The following ZNF804B variants were observed in gnomAD, a reference collection of about 807,000 sequenced individuals.
ZNF804B encodes zinc finger 804B.
A neutral mutation model predicts 101.4 loss-of-function variants in ZNF804B; 80 were observed. The ratio of observed to expected loss-of-function variants is 0.79; its 90% CI spans 0.66 to 0.95. The LOEUF (loss-of-function observed/expected upper bound fraction) is 0.95, where lower values mean the gene tolerates loss of function less well. ZNF804B is among the 40% of genes least tolerant of loss of function. ZNF804B has a pLI of 0.00. For missense variants in ZNF804B, 1,673 were observed against 1,561.9 expected (o/e 1.07, Z -1.20); for synonymous variants, 622 against 558.8 (o/e 1.11, Z -1.59).
At chr7:89,288,721 A>G (rs535292872) in intron 2 of ZNF804B, among the ~76,000 whole-genome samples, 153 of 152,340 alleles carry the variant, frequency 1.0e-3, no homozygotes, top group African/African-American at 3.3e-3. Flanking sequence ...GATTTTCGGC[A>G]GCCCACATGT....
At chr7:89,073,360 G>A (rs1166564924) in intron 1 of ZNF804B, among the ~76,000 whole-genome samples, 3 of 152,054 alleles carry the variant, frequency 2.0e-5, no homozygotes, top group African/African-American at 4.8e-5. Flanking sequence ...TGCACTGAGT[G>A]AACAAAAATA....
intron 1 of ZNF804B, among the ~76,000 whole-genome samples, chr7:89,197,011 C>G (rs1437506019): frequency 3.5e-5 from 5 of 143,234 alleles, no homozygotes; most frequent in African/African-American, 4.9e-5. Context: ...TGCTTTTACA[C>G]TGTTGGTGGG....
intron 1 of ZNF804B, among the ~76,000 whole-genome samples, chr7:88,789,768 G>A (rs752768065): frequency 1.3e-5 from 2 of 152,068 alleles, no homozygotes; most frequent in Admixed American, 6.6e-5. Context: ...GTGGAAGTTG[G>A]GGCATTCTAC....
chr7:88,884,376 A>G (rs1264043682), intron 1 of ZNF804B, among the ~76,000 whole-genome samples: 1 of 151,738 alleles, frequency 6.6e-6, no homozygotes, highest in Non-Finnish European at 1.5e-5. Flanking sequence ...TATATGTCTG[A>G]CTTACATTGG....
chr7:88,942,992 C>T (rs17165643), intron 1 of ZNF804B, among the ~76,000 whole-genome samples: 15,523 of 151,804 alleles, frequency 0.1, 869 homozygotes, highest in South Asian at 0.17. Flanking sequence ...CAGTTGCATG[C>T]TTAAATGTAT....
intron 1 of ZNF804B, among the ~76,000 whole-genome samples, chr7:88,869,859 C>T: frequency 6.6e-6 from 1 of 152,156 alleles, no homozygotes. Context: ...GCAGGTCCAG[C>T]CAAGGCTTCT....
At position 88,953,492 on chromosome 7, in the gene ZNF804B, T is replaced by G. The variant is rs377100011; in HGVS notation, c.108+193408T>G. On this transcript the variant is annotated intron_variant, in intron 1 of 3. Transcript: ENST00000333190. Reference sequence around the variant, plus strand: ...TTATTTATGTATTTATTGTCTGTCTTGATTTTCTGTCACGTTCCCCCAACC... The same window carrying G: ...TTATTTATGTATTTATTGTCTGTCTGGATTTTCTGTCACGTTCCCCCAACC... Among the ~76,000 whole-genome samples, 10 of 151,930 alleles carry G rather than the reference T, an allele frequency of 6.6e-5. No individual in the cohort carries two copies. In the East Asian group the frequency reaches 1.2e-3, roughly 18 times the overall value.
At chr7:89,046,574 AT>A (rs1328834656) in intron 1 of ZNF804B, among the ~76,000 whole-genome samples, 1 of 152,168 alleles carries the variant, frequency 6.6e-6, no homozygotes, top group Non-Finnish European at 1.5e-5. Context: ...ATGGTTAGTT[AT>A]CTAACCAAAT....
intron 1 of ZNF804B, among the ~76,000 whole-genome samples, chr7:88,991,654 C>T (rs1241424595): frequency 6.6e-6 from 1 of 152,166 alleles, no homozygotes; most frequent in Admixed American, 6.6e-5. Flanking sequence ...TCTGCTGGAG[C>T]AGTCATAGAG....
chr7:89,267,292 T>C (rs1789812110), intron 2 of ZNF804B, among the ~76,000 whole-genome samples: 1 of 152,172 alleles, frequency 6.6e-6, no homozygotes, highest in Non-Finnish European at 1.5e-5. Context: ...AATTTCTCTG[T>C]TTTGTATATT....
At chr7:89,298,578 CTGT>C (rs1481961831) in intron 2 of ZNF804B, among the ~76,000 whole-genome samples, 2 of 151,648 alleles carry the variant, frequency 1.3e-5, no homozygotes, top group East Asian at 3.9e-4. Flanking sequence ...TTGCATGTAT[CTGT>C]TGTTCATACC....
At chr7:89,166,720 A>G (rs1479515322) in intron 1 of ZNF804B, among the ~76,000 whole-genome samples, 2 of 152,216 alleles carry the variant, frequency 1.3e-5, no homozygotes, top group Non-Finnish European at 2.9e-5. Context: ...GACGAAAAGT[A>G]TGTGAAAAGT....
At chr7:89,085,318 A>G (rs1481752409) in intron 1 of ZNF804B, among the ~76,000 whole-genome samples, 1 of 151,964 alleles carries the variant, frequency 6.6e-6, no homozygotes, top group Non-Finnish European at 1.5e-5. Context: ...AACTCCAAAT[A>G]AGAAATCTAA....
chr7:89,205,769 G>T (rs903425505), intron 1 of ZNF804B, among the ~76,000 whole-genome samples: 1 of 152,158 alleles, frequency 6.6e-6, no homozygotes, highest in Non-Finnish European at 1.5e-5. Context: ...GCTGTTGGTG[G>T]ATCTACTATT....
At chr7:89,275,225 A>G (rs2115850127) in intron 2 of ZNF804B, among the ~76,000 whole-genome samples, 1 of 152,026 alleles carries the variant, frequency 6.6e-6, no homozygotes, top group Non-Finnish European at 1.5e-5. Context: ...CTTTCTCATT[A>G]CACATGAAAT....
intron 1 of ZNF804B, among the ~76,000 whole-genome samples, chr7:88,983,213 G>A (rs1793716728): frequency 2.0e-5 from 3 of 152,098 alleles, no homozygotes; most frequent in African/African-American, 7.2e-5. Context: ...GGTCCAGCAT[G>A]AGACCTATTG....
intron 1 of ZNF804B, among the ~76,000 whole-genome samples, chr7:89,108,936 A>G (rs1790174227): frequency 6.6e-6 from 1 of 152,174 alleles, no homozygotes; most frequent in Non-Finnish European, 1.5e-5. Flanking sequence ...TGTTGCATTT[A>G]AACTGCATAT....
chr7:88,760,841 A>G (rs1789883704), intron 1 of ZNF804B, among the ~76,000 whole-genome samples: 1 of 148,854 alleles, frequency 6.7e-6, no homozygotes, highest in Admixed American at 6.7e-5. Flanking sequence ...GGCTCCAAAT[A>G]TGTTTCAAGA....
intron 1 of ZNF804B, among the ~76,000 whole-genome samples, chr7:88,901,066 C>A (rs1178778972): frequency 1.3e-5 from 2 of 151,616 alleles, no homozygotes; most frequent in African/African-American, 2.4e-5. Context: ...CAGCCATTAT[C>A]CAGACTAATT....
Sources: allele counts gnomAD v4.1 joint callset (sites outside exome capture counted in the v4.1 genomes callset), GRCh38; gene constraint gnomAD v4.1.1; transcripts MANE v1.5; gene names NCBI Gene and HGNC (gene_info 2026-07-23, HGNC 2026-07-21).